DISP1: variants seen among roughly 807,000 people sequenced by gnomAD.
DISP1 encodes protein dispatched homolog 1.
Under a neutral mutation model 37.3 loss-of-function variants are expected in DISP1, and 30 were observed. The observed-to-expected ratio is 0.80, with a 90% CI of 0.60 to 1.09. DISP1 has a LOEUF of 1.09. Among genes scored for constraint, DISP1 ranks in the 50% least tolerant of loss-of-function variants. The pLI is 0.00. For synonymous variants in DISP1, 634 were observed against 690.2 expected (o/e 0.92, Z 1.28); for missense variants, 1,598 against 1,879.5 (o/e 0.85, Z 2.77).
intron 1 of DISP1, among the ~76,000 whole-genome samples, chr1:222,841,894 A>G (rs905167141): frequency 2.0e-5 from 3 of 152,160 alleles, no homozygotes; most frequent in African/African-American, 4.8e-5. Context: ...TGGCTGAAGC[A>G]TCTCTGAAAT....
intron 4 of DISP1, among the ~76,000 whole-genome samples, chr1:222,987,536 G>A (rs973923603): frequency 1.3e-5 from 2 of 152,222 alleles, no homozygotes; most frequent in Admixed American, 6.5e-5. Flanking sequence ...GTCAGTGCAC[G>A]TATATGGTGT....
chr1:222,928,394 C>G (rs1189681365), intron 1 of DISP1, 36 bp from the exon 2 acceptor site: 2 of 152,208 alleles, frequency 1.3e-5, no homozygotes, highest in Non-Finnish European at 2.9e-5. Context: ...CCTAACATGC[C>G]TAATTCAAAG....
At chr1:222,896,915 T>G (rs1345366039) in intron 1 of DISP1, among the ~76,000 whole-genome samples, 1 of 152,112 alleles carries the variant, frequency 6.6e-6, no homozygotes, top group Non-Finnish European at 1.5e-5. Flanking sequence ...TCAGAGAGAA[T>G]GAAAAACAAG....
At chr1:222,890,370 AG>A (rs1553323703) in intron 1 of DISP1, among the ~76,000 whole-genome samples, 1 of 152,200 alleles carries the variant, frequency 6.6e-6, no homozygotes, top group Non-Finnish European at 1.5e-5. Flanking sequence ...GATAGGGATC[AG>A]TACTTCAAAG....
At position 222,983,097 on chromosome 1, in the gene DISP1, A is replaced by G. The variant is rs548262612; in HGVS notation, c.527A>G (p.Lys176Arg). The part of the protein sequence containing the change: ...IANIRPSRPF[K>R]LPKSYAALIA... ...TTTTTCAGACCATCCAGACCTTTCA[A>G]GTTGCCAAAAAGGTAAAGTAATCTG... The change falls in exon 4 of 9, where the codon AAG (lysine) becomes AGG (arginine). Residue 176 changes from lysine to arginine, a missense_variant. By Grantham distance (26) the Lys-to-Arg change is conservative (BLOSUM62 2). Transcript: ENST00000675850. The G allele has an allele frequency of 6.2e-7, 1 of 1,609,230 alleles. No homozygotes were observed. The highest frequency in any genetic ancestry group is 1.1e-5 in the South Asian group (1 of 90,544).
At chr1:222,897,154 C>T (rs1671309855) in intron 1 of DISP1, among the ~76,000 whole-genome samples, 1 of 152,174 alleles carries the variant, frequency 6.6e-6, no homozygotes, top group Non-Finnish European at 1.5e-5. Context: ...CAGTGGCATA[C>T]TCCTCAGCAA....
intron 1 of DISP1, among the ~76,000 whole-genome samples, chr1:222,856,920 T>A (rs1668585006): frequency 6.6e-6 from 1 of 152,064 alleles, no homozygotes; most frequent in African/African-American, 2.4e-5. Flanking sequence ...GCCAGGCTAG[T>A]CCTGAACTCC....
intron 3 of DISP1, among the ~76,000 whole-genome samples, chr1:222,963,514 C>T (rs1424337730): frequency 2.0e-5 from 3 of 152,074 alleles, no homozygotes; most frequent in Non-Finnish European, 4.4e-5. Context: ...TGGAACCAAC[C>T]CAAATGCCCA....
chr1:222,923,384 T>A (rs1477689588), intron 1 of DISP1, among the ~76,000 whole-genome samples: 1 of 152,218 alleles, frequency 6.6e-6, no homozygotes, highest in Non-Finnish European at 1.5e-5. Context: ...CTGAGATTTT[T>A]AAATTTCATT....
chr1:222,935,043 T>C (rs1280772237), intron 2 of DISP1, among the ~76,000 whole-genome samples: 3 of 152,222 alleles, frequency 2.0e-5, no homozygotes, highest in Non-Finnish European at 4.4e-5. Context: ...AATTCTCTTG[T>C]AGTCTCCCCA....
chr1:222,928,801 C>A (rs561711619), intron 2 of DISP1, among the ~76,000 whole-genome samples: 73 of 151,880 alleles, frequency 4.8e-4, no homozygotes, highest in Admixed American at 1.6e-3. Context: ...TAAGGTAAGG[C>A]CAGCCATTTC....
chr1:222,986,277 TG>T (rs1678269802), intron 4 of DISP1, among the ~76,000 whole-genome samples: 1 of 148,510 alleles, frequency 6.7e-6, no homozygotes, highest in South Asian at 2.2e-4. Flanking sequence ...AAAAGAAGAG[TG>T]TTTTGAGAAA....
chr1:222,854,095 A>C (rs1668419875), intron 1 of DISP1, among the ~76,000 whole-genome samples: 1 of 152,186 alleles, frequency 6.6e-6, no homozygotes, highest in African/African-American at 2.4e-5. Flanking sequence ...ACACCATGGC[A>C]AGATGTTGGC....
chr1:222,982,453 G>A (rs1310404011), intron 3 of DISP1, among the ~76,000 whole-genome samples: 1 of 152,200 alleles, frequency 6.6e-6, no homozygotes, highest in Admixed American at 6.5e-5. Context: ...TTGAGACTTA[G>A]TTTGGAGTTT....
At chr1:222,930,616 C>A (rs1174820176) in intron 2 of DISP1, among the ~76,000 whole-genome samples, 1 of 152,002 alleles carries the variant, frequency 6.6e-6, no homozygotes, top group Admixed American at 6.6e-5. Flanking sequence ...TAAATAAGGA[C>A]ATTTAACTGA....
chr1:222,992,053 GAGAAA>G lies in DISP1; in HGVS notation c.836_840del (p.Lys279ArgfsTer3), dbSNP rs1163705073. The G allele has an allele frequency of 1.9e-6, 3 of 1,613,880 alleles. No individual in the cohort carries two copies. Among genetic ancestry groups the G allele is most frequent in the Non-Finnish European group, 2.5e-6 (3 of 1,179,950 alleles). ...ATGGTCAGATGATCATTATGAAAGAGAGAAAAGAGAAGTTGACTGGAACTTCCACA... is the reference window on the plus strand; with the variant it reads ...ATGGTCAGATGATCATTATGAAAGAGAGAGAAGTTGACTGGAACTTCCACA... On this transcript the variant is annotated frameshift_variant, in exon 7 of 9. Transcript: ENST00000675850. LOFTEE classifies it high-confidence loss of function.
chr1:222,894,521 C>G (rs1381203978), intron 1 of DISP1, among the ~76,000 whole-genome samples: 2 of 152,250 alleles, frequency 1.3e-5, no homozygotes, highest in African/African-American at 4.8e-5. Flanking sequence ...CAACTTTGCT[C>G]CCAAATCAGA....
chr1:222,890,609 G>A (rs1415579711), intron 1 of DISP1, among the ~76,000 whole-genome samples: 3 of 152,174 alleles, frequency 2.0e-5, no homozygotes, highest in Admixed American at 6.5e-5. Context: ...TTAAATCTGA[G>A]CTACAACTAG....
rs183422251 is a variant in DISP1 at position 222,979,506 on chromosome 1, C to A, written c.510-3574C>A. On this transcript the variant is annotated intron_variant, in intron 3 of 8. Coordinates refer to ENST00000675850, the MANE Select transcript of DISP1 (RefSeq NM_001377229.1). ...AAAGTACTGAAAACATGGAATTGTA[C>A]ACTTAATTGGGTGAATTATGTGGTA... is the stretch of plus-strand genomic sequence containing the variant. 2.1e-3 allele frequency: 836 copies of A among 389,428 alleles called. 6 individuals carry two copies. The highest frequency in any genetic ancestry group is 0.012 in the Middle Eastern group (26 of 2,124). The allele number at this position is 389,428 out of a possible 1,614,324, so 24.1% of individuals were successfully genotyped here.
Sources: allele counts gnomAD v4.1 joint callset (sites outside exome capture counted in the v4.1 genomes callset), GRCh38; gene constraint gnomAD v4.1.1; transcripts MANE v1.5; gene names NCBI Gene and HGNC (gene_info 2026-07-23, HGNC 2026-07-21).